The following PRICKLE2 variants were observed in gnomAD, a reference collection of about 807,000 sequenced individuals.
PRICKLE2 encodes the protein prickle-like protein 2.
Under a neutral mutation model 81.4 loss-of-function variants are expected in PRICKLE2, and 21 were observed. The observed-to-expected ratio is 0.26, with a 90% CI of 0.18 to 0.37. The LOEUF (loss-of-function observed/expected upper bound fraction) is 0.37, where lower values mean the gene tolerates loss of function less well. PRICKLE2 is among the 10% of genes least tolerant of loss of function. The probability of loss-of-function intolerance (pLI) is 1.00; values close to 1 mark genes in which losing one functional copy is unlikely to be tolerated. For missense variants in PRICKLE2, 940 were observed against 1,109.0 expected (o/e 0.85, Z 2.16); for synonymous variants, 456 against 421.5 (o/e 1.08, Z -1.00).
At chr3:64,199,352 AT>A (rs1395014876) in intron 1 of PRICKLE2, 1 of 263,998 alleles carries the variant, frequency 3.8e-6, no homozygotes, top group Non-Finnish European at 7.3e-6. Flanking sequence ...CATAATACAT[AT>A]GTTGACCTGA....
chr3:64,158,815 A>G (rs972736362), intron 4 of PRICKLE2, among the ~76,000 whole-genome samples: 3 of 152,136 alleles, frequency 2.0e-5, no homozygotes, highest in African/African-American at 4.8e-5. Context: ...ACCCCATCCC[A>G]TATAACTGAA....
intron 2 of PRICKLE2, among the ~76,000 whole-genome samples, chr3:64,232,300 T>C (rs1362413520): frequency 6.6e-6 from 1 of 152,264 alleles, no homozygotes; most frequent in African/African-American, 2.4e-5. Context: ...AAGGATCTAC[T>C]GCTTTGTGGC....
chr3:64,257,513 A>G (rs1207879650), intron 2 of PRICKLE2, among the ~76,000 whole-genome samples: 2 of 152,190 alleles, frequency 1.3e-5, no homozygotes, highest in African/African-American at 2.4e-5. Context: ...TGGGGGTGTG[A>G]GCAAATGAAT....
In PRICKLE2 at chr3:64,168,537, G is replaced by A. The variant is rs556456637; in HGVS notation, c.145-5408C>T. 2.0e-5 allele frequency among the ~76,000 whole-genome samples: 3 copies of A among 152,324 alleles called. No individual in the cohort carries two copies. The South Asian group carries it at 6.2e-4, about 32-fold the overall frequency. ...GGTCATCGAACTATTGACTTACTGAGTGACCCTACGGCTTGACGCGTTTTT... is the reference window on the plus strand; with the variant it reads ...GGTCATCGAACTATTGACTTACTGAATGACCCTACGGCTTGACGCGTTTTT... On this transcript the variant is annotated intron_variant, in intron 2 of 7. Transcript: ENST00000638394.
intron 2 of PRICKLE2, among the ~76,000 whole-genome samples, chr3:64,240,254 T>C (rs2079244541): frequency 1.3e-5 from 2 of 152,162 alleles, no homozygotes; most frequent in Non-Finnish European, 2.9e-5. Flanking sequence ...ACCAAGACAT[T>C]GACCAGGCCA....
intron 2 of PRICKLE2, among the ~76,000 whole-genome samples, chr3:64,262,566 G>A (rs911736769): frequency 2.6e-5 from 4 of 151,788 alleles, no homozygotes; most frequent in East Asian, 3.9e-4. Context: ...CGTCAACAAG[G>A]GAGCAATAAA....
At chr3:64,151,202 C>T (rs970315217) in intron 6 of PRICKLE2, among the ~76,000 whole-genome samples, 2 of 152,186 alleles carry the variant, frequency 1.3e-5, no homozygotes, top group Admixed American at 1.3e-4. Context: ...GGTATGCATG[C>T]TATATAGAGT....
intron 2 of PRICKLE2, among the ~76,000 whole-genome samples, chr3:64,239,713 C>A (rs1234644544): frequency 6.6e-6 from 1 of 152,112 alleles, no homozygotes; most frequent in Non-Finnish European, 1.5e-5. Context: ...TTGCTTATCA[C>A]AGATAAGAAA....
chr3:64,183,912 G>A (rs139280435), intron 2 of PRICKLE2, among the ~76,000 whole-genome samples: 19 of 152,270 alleles, frequency 1.2e-4, no homozygotes, highest in African/African-American at 3.1e-4. Flanking sequence ...CCCTGATGTC[G>A]TAGGGGAAGA....
rs141068754 is a variant in PRICKLE2 at position 64,219,166 on chromosome 3, A to G, written c.-41+5744T>C. Among the ~76,000 whole-genome samples the G allele has an allele frequency of 5.0e-4, 76 of 152,298 alleles. 3 individuals carry two copies. In the South Asian group the frequency reaches 0.014, roughly 28 times the overall value. ...AACTTGACCTTTTAGTTCCCCGCCA[A>G]GAGTGGCCAACAGTGCAAATTACAC... is the stretch of plus-strand genomic sequence containing the variant. On this transcript the variant is annotated intron_variant, in intron 1 of 7. Transcript: ENST00000638394.
At chr3:64,179,007 CT>C (rs770572711) in intron 2 of PRICKLE2, among the ~76,000 whole-genome samples, 1 of 146,154 alleles carries the variant, frequency 6.8e-6, no homozygotes, top group African/African-American at 2.6e-5. Flanking sequence ...TTCTTTCTTT[CT>C]TTCTTTCTTT....
In PRICKLE2 at chr3:64,159,958, T is replaced by C; in HGVS notation, c.378A>G (p.Thr126=). ...GNVRPFPVTM[T]GAICEQCGGQ... ...TGCTTACCTGTTCACAAATAGCTCC[T>C]GTCATGGTGACTGGGAAAGGCCTGA... Residue 126 remains threonine (T), a synonymous_variant, in exon 4 of 8, where the codon ACA becomes ACG. Transcript: ENST00000638394. 1 of 1,614,196 alleles carries C rather than the reference T, an allele frequency of 6.2e-7. No homozygotes were observed. The highest frequency in any genetic ancestry group is 8.5e-7 in the Non-Finnish European group (1 of 1,180,016).
chr3:64,267,174 T>A (rs1174535881), intron 2 of PRICKLE2, among the ~76,000 whole-genome samples: 1 of 152,136 alleles, frequency 6.6e-6, no homozygotes, highest in African/African-American at 2.4e-5. Flanking sequence ...TCTTCCAGCA[T>A]CTGAGAGGGT....
intron 2 of PRICKLE2, among the ~76,000 whole-genome samples, chr3:64,172,527 C>A (rs2077951214): frequency 6.6e-6 from 1 of 152,206 alleles, no homozygotes; most frequent in South Asian, 2.1e-4. Context: ...AAGTTAATAT[C>A]TCCATCTGTA....
At chr3:64,136,825 C>T (rs568034302) in intron 7 of PRICKLE2, among the ~76,000 whole-genome samples, 15 of 152,124 alleles carry the variant, frequency 9.9e-5, no homozygotes, top group African/African-American at 3.6e-4. Flanking sequence ...TTGTTGATGG[C>T]AGACAAAGGA....
intron 6 of PRICKLE2, among the ~76,000 whole-genome samples, chr3:64,151,164 G>T (rs1478761047): frequency 6.6e-6 from 1 of 152,214 alleles, no homozygotes; most frequent in African/African-American, 2.4e-5. Context: ...TGTACAGTAT[G>T]GTCAGAGGTA....
rs374769283 is a variant in PRICKLE2 at position 64,263,008 on chromosome 3, C to T, written c.129-64041G>A. ...GTTCCAGGGTCACATTAGCACAGAA[C>T]ATGCAACATCAAGCCTCAATGGGTT... On this transcript the variant is annotated intron_variant, in intron 2 of 8. Transcript: ENST00000295902. Among the ~76,000 whole-genome samples, 4 of 152,164 alleles carry T rather than the reference C, an allele frequency of 2.6e-5. No homozygotes were observed. In the East Asian group the frequency reaches 7.7e-4, roughly 29 times the overall value.
At chr3:64,188,239 C>T (rs2078271067) in intron 2 of PRICKLE2, among the ~76,000 whole-genome samples, 1 of 152,180 alleles carries the variant, frequency 6.6e-6, no homozygotes, top group Non-Finnish European at 1.5e-5. Flanking sequence ...TCTCTGTTAG[C>T]TACTTTAGAC....
At chr3:64,224,334 T>C (rs1347255491) in intron 1 of PRICKLE2, among the ~76,000 whole-genome samples, 1 of 152,212 alleles carries the variant, frequency 6.6e-6, no homozygotes, top group Non-Finnish European at 1.5e-5. Context: ...GAGAACTAAC[T>C]ATGATCACTC....
Sources: gnomAD v4.1 joint callset for allele counts (sites outside exome capture counted in the v4.1 genomes callset) on GRCh38, gnomAD v4.1.1 for gene constraint, MANE v1.5 for transcripts, NCBI Gene and HGNC (gene_info 2026-07-23, HGNC 2026-07-21) for gene names.